HSD17B4: variants seen among roughly 807,000 people sequenced by gnomAD.
HSD17B4 encodes the protein peroxisomal multifunctional enzyme type 2.
In HSD17B4, 70 loss-of-function variants were observed where a neutral mutation model predicts 101.0. The ratio of observed to expected loss-of-function variants is 0.69; its 90% CI spans 0.57 to 0.85. The LOEUF is 0.85. Among genes scored for constraint, HSD17B4 ranks in the 40% least tolerant of loss-of-function variants. The probability of loss-of-function intolerance (pLI) is 0.00; values close to 1 mark genes in which losing one functional copy is unlikely to be tolerated. For missense variants in HSD17B4, 984 were observed against 892.4 expected, an observed-to-expected ratio of 1.10 and a Z score of -1.31; for synonymous variants, 347 against 297.1, an observed-to-expected ratio of 1.17 and a Z score of -1.73.
In HSD17B4 at chr5:119,531,400, G is replaced by T; in HGVS notation, c.1989G>T (p.Lys663Asn). The T allele has an allele frequency of 6.2e-7, 1 of 1,612,572 alleles. No individual in the cohort carries two copies. The highest frequency in any genetic ancestry group is 8.5e-7 in the Non-Finnish European group (1 of 1,178,734). ...CCAAAGGCGGAAATATTGGGGCTAAGTGGAGTAAGTTATAGCCCTGATTTT... is the reference window on the plus strand; with the variant it reads ...CCAAAGGCGGAAATATTGGGGCTAATTGGAGTAAGTTATAGCCCTGATTTT... ...HITKGGNIGA[K>N]WTIDLKSGSG... Residue 663 changes from lysine (K) to asparagine (N), a missense_variant, in exon 22 of 24, where the codon AAG becomes AAT. Lys to Asn is a moderately conservative substitution (Grantham distance 94). Coordinates refer to ENST00000510025, the MANE Select transcript of HSD17B4 (RefSeq NM_000414.4).
At chr5:119,503,675 A>G (rs1751394488) in intron 14 of HSD17B4, among the ~76,000 whole-genome samples, 1 of 151,686 alleles carries the variant, frequency 6.6e-6, no homozygotes, top group Non-Finnish European at 1.5e-5. Flanking sequence ...AGGCTGACTT[A>G]CCCTAATCAT....
At chr5:119,484,173 A>C (rs1389617731) in intron 8 of HSD17B4, among the ~76,000 whole-genome samples, 1 of 152,076 alleles carries the variant, frequency 6.6e-6, no homozygotes, top group Non-Finnish European at 1.5e-5. Context: ...GCACCTCTGC[A>C]CTCCAGCCTG....
intron 19 of HSD17B4, among the ~76,000 whole-genome samples, chr5:119,526,698 T>C (rs1178833870): frequency 6.6e-6 from 1 of 151,924 alleles, no homozygotes; most frequent in East Asian, 1.9e-4. Context: ...TATTATCCAG[T>C]AATATATACA....
chr5:119,484,011 G>A (rs964834375), intron 8 of HSD17B4, among the ~76,000 whole-genome samples: 4 of 152,066 alleles, frequency 2.6e-5, no homozygotes, highest in African/African-American at 9.7e-5. Context: ...TAGCTCTTAA[G>A]TTTCCTTTAA....
intron 23 of HSD17B4, among the ~76,000 whole-genome samples, chr5:119,537,300 C>T (rs1294187816): frequency 6.6e-6 from 1 of 152,090 alleles, no homozygotes; most frequent in Non-Finnish European, 1.5e-5. Flanking sequence ...TAGTCTTTGG[C>T]ATCAGATAAA....
chr5:119,491,969 G>A, intron 9 of HSD17B4, 131 bp from the exon 10 acceptor site: 1 of 785,188 alleles, frequency 1.3e-6, no homozygotes, highest in South Asian at 1.4e-5. Context: ...TTACAGAGCT[G>A]TATTATTTTC....
intron 2 of HSD17B4, among the ~76,000 whole-genome samples, chr5:119,472,307 A>T (rs1036632389): frequency 1.3e-4 from 20 of 152,132 alleles, no homozygotes. Flanking sequence ...ATCTTTAAAA[A>T]CTTTTTTATT....
chr5:119,515,169 A>T (rs1342497933), intron 17 of HSD17B4, 123 bp downstream of exon 17: 1 of 675,410 alleles, frequency 1.5e-6, no homozygotes, highest in Non-Finnish European at 2.7e-6. Context: ...ATTATTCAAC[A>T]TAATAAACAT....
At chr5:119,486,775 C>T (rs1291918364) in intron 8 of HSD17B4, among the ~76,000 whole-genome samples, 1 of 152,060 alleles carries the variant, frequency 6.6e-6, no homozygotes, top group Non-Finnish European at 1.5e-5. Flanking sequence ...AGGATATGTA[C>T]TTCAAAGTAA....
intron 8 of HSD17B4, among the ~76,000 whole-genome samples, chr5:119,487,904 C>A (rs1321574265): frequency 6.6e-6 from 1 of 151,998 alleles, no homozygotes; most frequent in Non-Finnish European, 1.5e-5. Context: ...TTTCCTCGTG[C>A]ATATAATGAA....
At chr5:119,521,593 A>G (rs1034609168) in intron 17 of HSD17B4, among the ~76,000 whole-genome samples, 5 of 151,264 alleles carry the variant, frequency 3.3e-5, no homozygotes, top group African/African-American at 9.7e-5. Context: ...CTCATGGTTC[A>G]TTTCTGCCCT....
rs1301668268 is a variant in HSD17B4, at chr5:119,499,572, C to G, written c.1209+19C>G. The G allele has an allele frequency of 7.3e-7, 1 of 1,379,112 alleles. No individual in the cohort carries two copies. Among genetic ancestry groups the G allele is most frequent in the South Asian group, 1.2e-5 (1 of 86,226 alleles). 85.4% of individuals were successfully genotyped at this position (1,379,112 alleles called of 1,614,324 possible). On this transcript the variant is annotated intron_variant, in intron 13 of 23. Coordinates refer to ENST00000510025, the MANE Select transcript of HSD17B4 (RefSeq NM_000414.4). ...TGCAAAGGTATGCCTAATAAAAAACCTTTATTTTGCTTTTCTATTTCTGTA... is the reference window on the plus strand; with the variant it reads ...TGCAAAGGTATGCCTAATAAAAAACGTTTATTTTGCTTTTCTATTTCTGTA...
At chr5:119,500,420 A>G (rs1037746481) in intron 13 of HSD17B4, among the ~76,000 whole-genome samples, 38 of 152,080 alleles carry the variant, frequency 2.5e-4, no homozygotes, top group Non-Finnish European at 5.4e-4. Context: ...TGTATTTAAT[A>G]TGTATAGTAA....
chr5:119,526,479 T>C (rs1202912501), intron 19 of HSD17B4, among the ~76,000 whole-genome samples: 1 of 151,936 alleles, frequency 6.6e-6, no homozygotes, highest in Non-Finnish European at 1.5e-5. Flanking sequence ...TTATCCATTA[T>C]AAATAACAAG....
intron 8 of HSD17B4, 25 bp from the exon 9 acceptor site, chr5:119,489,167 G>A: frequency 7.1e-7 from 1 of 1,398,820 alleles, no homozygotes; most frequent in Non-Finnish European, 1.0e-6. Context: ...TGATTGATAA[G>A]ATATGTGTAT....
chr5:119,493,167 G>A (rs1750274396), intron 10 of HSD17B4: 1 of 152,298 alleles, frequency 6.6e-6, no homozygotes, highest in African/African-American at 2.4e-5. Flanking sequence ...AATCATCAGT[G>A]TCTGACTATT....
At chr5:119,501,922 A>C in intron 13 of HSD17B4, 119 bp from the exon 14 acceptor site, 1 of 696,234 alleles carries the variant, frequency 1.4e-6, no homozygotes, top group Non-Finnish European at 2.6e-6. Flanking sequence ...GAGATAGATA[A>C]CTTGGAGAGA....
chr5:119,485,680 G>A (rs1290904592), intron 8 of HSD17B4, among the ~76,000 whole-genome samples: 1 of 152,060 alleles, frequency 6.6e-6, no homozygotes, highest in Non-Finnish European at 1.5e-5. Flanking sequence ...AGTAATGTGT[G>A]GAGACATTTT....
chr5:119,541,483 G>C (rs1173608256), intron 23 of HSD17B4, among the ~76,000 whole-genome samples: 2 of 152,070 alleles, frequency 1.3e-5, no homozygotes, highest in African/African-American at 4.8e-5. Context: ...TCTCTAATTT[G>C]TCATTTCGTG....
Sources: gnomAD v4.1 joint callset for allele counts (sites outside exome capture counted in the v4.1 genomes callset) on GRCh38, gnomAD v4.1.1 for gene constraint, MANE v1.5 for transcripts, NCBI Gene and HGNC (gene_info 2026-07-23, HGNC 2026-07-21) for gene names.